Variants in GNL1 observed in about 807,000 individuals in gnomAD.
The protein encoded by GNL1 is G protein nucleolar 1.
In GNL1, 21 loss-of-function variants were observed where a neutral mutation model predicts 75.2. That is an observed-to-expected ratio of 0.28 (90% CI 0.20 to 0.40). The LOEUF is 0.40. Among genes scored for constraint, GNL1 ranks in the 10% least tolerant of loss-of-function variants. GNL1 has a pLI of 1.00. For synonymous variants in GNL1, 287 were observed against 303.4 expected (o/e 0.95, Z 0.56); for missense variants, 579 against 775.0 (o/e 0.75, Z 3.00).
At chr6:30,551,141 A>G (rs992424111) in intron 8 of GNL1, among the ~76,000 whole-genome samples, 1 of 152,162 alleles carries the variant, frequency 6.6e-6, no homozygotes, top group Admixed American at 6.6e-5. Flanking sequence ...TGAATGGGTA[A>G]ATGAATGAGA....
At position 30,547,648 on chromosome 6, in the gene GNL1, G is replaced by A; in HGVS notation, c.1100-118C>T. Reference sequence around the variant, plus strand: ...CAGAAATTAAGGAAATGGTATTGCAGAATACAAATCACGCTCTGGGCTGCC... The same window carrying A: ...CAGAAATTAAGGAAATGGTATTGCAAAATACAAATCACGCTCTGGGCTGCC... On this transcript the variant is annotated intron_variant, in intron 8 of 11. Transcript: ENST00000376621. This position sits in a 1 kb window ranked among gnomAD's most constrained non-coding sequence, Gnocchi z 5.5. The A allele has an allele frequency of 2.3e-6, 2 of 879,784 alleles. No individual in the cohort carries two copies. Among genetic ancestry groups the A allele is most frequent in the East Asian group, 5.3e-5 (2 of 37,992 alleles). 54.5% of individuals were successfully genotyped at this position (879,784 alleles called of 1,614,324 possible).
rs1216447405 is a variant in GNL1 at position 30,555,881 on chromosome 6, G to T, written c.74-161C>A. 8.3e-6 allele frequency: 7 copies of T among 844,946 alleles called. No individual in the cohort carries two copies. In the South Asian group the frequency reaches 1.0e-4, roughly 12 times the overall value. 52.3% of individuals were successfully genotyped at this position (844,946 alleles called of 1,614,324 possible). A position where few individuals can be genotyped will look rare whatever the true frequency, so the allele number is the denominator to read the frequency against. ...ACCCTCCCGGATGTGCGTGGGGGGA[G>T]TCACTCCTTCAGGGAGCAGTGGGGA... On this transcript the variant is annotated intron_variant, in intron 1 of 11. Coordinates refer to ENST00000376621, the MANE Select transcript of GNL1 (RefSeq NM_005275.5). This position sits in a 1 kb window ranked among gnomAD's most constrained non-coding sequence, Gnocchi z 4.3.
chr6:30,553,497 C>T lies in GNL1; in HGVS notation c.661G>A (p.Val221Met). Residue 221 changes from valine to methionine, a missense_variant, in exon 6 of 12, where the codon GTG (valine) becomes ATG (methionine). Val to Met is a conservative substitution (Grantham distance 21). Transcript: ENST00000376621. Reference sequence around the variant, plus strand: ...AGATCCACCTTGTTCAAAACCAGCACCAGGGCCAGTCCAAGTTCTCCAGTC... The same window carrying T: ...AGATCCACCTTGTTCAAAACCAGCATCAGGGCCAGTCCAAGTTCTCCAGTC... Reference protein sequence around the residue: ...YVTGELGLALVLVLNKVDLAP... With the variant: ...YVTGELGLALMLVLNKVDLAP... 2.5e-6 allele frequency: 4 copies of T among 1,612,962 alleles called. No individual in the cohort carries two copies. Among genetic ancestry groups the T allele is most frequent in the Non-Finnish European group, 3.4e-6 (4 of 1,179,970 alleles).
chr6:30,547,229 T>A lies in GNL1; in HGVS notation c.1324A>T (p.Thr442Ser). Residue 442 changes from threonine to serine, a missense_variant, in exon 10 of 12, where the codon ACT becomes TCT. Transcript: ENST00000376621. The surrounding 1 kb of genome is among the most constrained non-coding windows in gnomAD (Gnocchi z 5.5). ...YPIAQIQEPY[T>S]AVGYLASRIP... ...CGGGAGGCCAGGTAGCCCACAGCAG[T>A]GTAGGGCTCCTGGATCTGGGCGATA... 1 of 1,611,534 alleles carries A rather than the reference T, an allele frequency of 6.2e-7. No individual in the cohort carries two copies. The highest frequency in any genetic ancestry group is 8.5e-7 in the Non-Finnish European group (1 of 1,178,690).
At position 30,544,723 on chromosome 6, in the gene GNL1, C is replaced by T. The variant is rs927390429; in HGVS notation, c.*1349G>A. 1 of 152,182 alleles carries T rather than the reference C, an allele frequency of 6.6e-6. No homozygotes were observed. Among genetic ancestry groups the T allele is most frequent in the Non-Finnish European group, 1.5e-5 (1 of 68,044 alleles). 9.4% of individuals were successfully genotyped at this position (152,182 alleles called of 1,614,324 possible). The stretch of plus-strand genomic sequence containing the variant: ...GCAATATGTGGCCAAACACCTTAGC[C>T]TCTTTAAATATACTTTCCTTTGCTC... On this transcript the variant is annotated 3_prime_UTR_variant, in exon 12 of 12. Coordinates refer to ENST00000376621, the MANE Select transcript of GNL1 (RefSeq NM_005275.5).
chr6:30,556,483 G>A lies in GNL1; in HGVS notation c.-280C>T. ...GGCACCGAGAGGGCGCCCCGGCGGC[G>A]AGGAAGGAGGCGCGCGTGGGAGGAC... On this transcript the variant is annotated 5_prime_UTR_variant, in exon 1 of 12. Transcript: ENST00000376621. The surrounding 1 kb of genome is among the most constrained non-coding windows in gnomAD (Gnocchi z 5.7). 1.8e-6 allele frequency: 1 copy of A among 549,670 alleles called. No homozygotes were observed. The highest frequency in any genetic ancestry group is 3.3e-6 in the Non-Finnish European group (1 of 307,394). 34.0% of individuals were successfully genotyped at this position (549,670 alleles called of 1,614,324 possible).
At chr6:30,553,708 C>T (rs1394483930) in intron 5 of GNL1, 151 bp from the exon 6 acceptor site, 7 of 627,460 alleles carry the variant, frequency 1.1e-5, no homozygotes, top group Non-Finnish European at 2.0e-5. Flanking sequence ...AACTGAAAAA[C>T]AAAGACAAAA....
Position 30,548,459 on chromosome 6 carries a change from A to G in GNL1, c.1100-929T>C, listed in dbSNP as rs1056845111. 6.6e-6 allele frequency among the ~76,000 whole-genome samples: 1 copy of G among 152,148 alleles called. No individual in the cohort carries two copies. Among genetic ancestry groups the G allele is most frequent in the Non-Finnish European group, 1.5e-5 (1 of 68,020 alleles). ...CCAGCTCACTTACTCTGGTTACTCC[A>G]TGCCAGTAAGTCTTTGACCCCTGAC... On this transcript the variant is annotated intron_variant, in intron 8 of 11. Coordinates refer to ENST00000376621, the MANE Select transcript of GNL1 (RefSeq NM_005275.5). This position sits in a 1 kb window ranked among gnomAD's most constrained non-coding sequence, Gnocchi z 4.2.
chr6:30,549,403 T>G (rs1423921772), intron 8 of GNL1, among the ~76,000 whole-genome samples: 2 of 152,208 alleles, frequency 1.3e-5, no homozygotes, highest in Non-Finnish European at 2.9e-5. Context: ...GACCTGTGTA[T>G]CTCTCAACAA....
chr6:30,552,998 T>C lies in GNL1; in HGVS notation c.904+86A>G, dbSNP rs1799889621. On this transcript the variant is annotated intron_variant, in intron 7 of 11. Coordinates refer to ENST00000376621, the MANE Select transcript of GNL1 (RefSeq NM_005275.5). This position sits in a 1 kb window ranked among gnomAD's most constrained non-coding sequence, Gnocchi z 4.5. The stretch of plus-strand genomic sequence containing the variant: ...CTTGCACATATCCACCATAGAGGGG[T>C]TGGCTTCAGGAAAGGTGAGCAAAAT... 2 of 919,636 alleles carry C rather than the reference T, an allele frequency of 2.2e-6. No homozygotes were observed. Among genetic ancestry groups the C allele is most frequent in the Non-Finnish European group, 3.5e-6 (2 of 572,082 alleles). The allele number at this position is 919,636 out of a possible 1,614,324, so 57.0% of individuals were successfully genotyped here.
Position 30,554,917 on chromosome 6 carries a change from TG to T in GNL1, c.377-3del. The T allele has an allele frequency of 1.2e-6, 2 of 1,612,886 alleles. No homozygotes were observed. Among genetic ancestry groups the T allele is most frequent in the Non-Finnish European group, 1.7e-6 (2 of 1,179,884 alleles). On this transcript the variant is annotated splice_polypyrimidine_tract_variant and splice_region_variant and intron_variant, in intron 3 of 11. Transcript: ENST00000376621. ...GAGGACGTCGAGGAAAGTCCAGAAC[TG>T]GGAATTCAGGAAAAAGTCCAAGTGT...
chr6:30,542,408 C>G lies in GNL1; in HGVS notation c.*3664G>C, dbSNP rs1799219557. 1 of 152,632 alleles carries G rather than the reference C, an allele frequency of 6.6e-6. No homozygotes were observed. The highest frequency in any genetic ancestry group is 1.5e-5 in the Non-Finnish European group (1 of 68,256). The allele number at this position is 152,632 out of a possible 1,614,324, so 9.5% of individuals were successfully genotyped here. A position where few individuals can be genotyped will look rare whatever the true frequency, so the allele number is the denominator to read the frequency against. On this transcript the variant is annotated 3_prime_UTR_variant, in exon 12 of 12. Coordinates refer to ENST00000376621, the MANE Select transcript of GNL1 (RefSeq NM_005275.5). The surrounding 1 kb of genome is among the most constrained non-coding windows in gnomAD (Gnocchi z 4.5). ...GTTTCCTGCTTTCTTCCTCAGCCTT[C>G]TCTGCTCCCCACACCTATATGTTGA...
Position 30,548,405 on chromosome 6 carries a change from A to C in GNL1, c.1100-875T>G, listed in dbSNP as rs574054560. Among the ~76,000 whole-genome samples, 1 of 151,666 alleles carries C rather than the reference A, an allele frequency of 6.6e-6. No homozygotes were observed. The highest frequency in any genetic ancestry group is 2.4e-5 in the African/African-American group (1 of 41,288). On this transcript the variant is annotated intron_variant, in intron 8 of 11. Transcript: ENST00000376621. The surrounding 1 kb of genome is among the most constrained non-coding windows in gnomAD (Gnocchi z 4.2). Reference sequence around the variant, plus strand: ...CAGCTCCAAAGCCTCAATTCCAAGCACCCCTCTCTGCCCTGACAACTCATC... The same window carrying C: ...CAGCTCCAAAGCCTCAATTCCAAGCCCCCCTCTCTGCCCTGACAACTCATC...
intron 8 of GNL1, among the ~76,000 whole-genome samples, chr6:30,549,825 C>CT (rs535787672): frequency 0.088 from 11,333 of 129,382 alleles, 1,138 homozygotes; most frequent in African/African-American, 0.21. Flanking sequence ...AATTCCATGG[C>CT]TTTTTTTTTT....
Position 30,553,544 on chromosome 6 carries a change from G to A in GNL1, c.614C>T (p.Pro205Leu), listed in dbSNP as rs1363327091. Residue 205 changes from proline (P) to leucine (L), a missense_variant, in exon 6 of 12, where the codon CCG becomes CTG. By Grantham distance (98) the Pro-to-Leu change is moderately conservative. Coordinates refer to ENST00000376621, the MANE Select transcript of GNL1 (RefSeq NM_005275.5). ...AGTCACATACTCATAAAGTGCTGGC[G>A]GGAAATTCACAACCTAGGACAGAGT... ...TDIRHPVVNF[P>L]PALYEYVTGE... 3 of 1,611,786 alleles carry A rather than the reference G, an allele frequency of 1.9e-6. No individual in the cohort carries two copies. The highest frequency in any genetic ancestry group is 1.1e-5 in the South Asian group (1 of 91,056).
rs1277453818 is a variant in GNL1 at position 30,555,916 on chromosome 6, G to A, written c.74-196C>T. The A allele has an allele frequency of 2.5e-6, 2 of 790,576 alleles. No individual in the cohort carries two copies. The highest frequency in any genetic ancestry group is 2.7e-5 in the East Asian group (1 of 37,374). 49.0% of individuals were successfully genotyped at this position (790,576 alleles called of 1,614,324 possible). ...CAGGGAGCAGTGGGGACGGCGCCCC[G>A]TGCTAGCTGGAGGGATTCCCCTCCC... On this transcript the variant is annotated intron_variant, in intron 1 of 11. Coordinates refer to ENST00000376621, the MANE Select transcript of GNL1 (RefSeq NM_005275.5). The surrounding 1 kb of genome is among the most constrained non-coding windows in gnomAD (Gnocchi z 4.3).
At chr6:30,553,778 G>A (rs1281317444) in intron 5 of GNL1, among the ~76,000 whole-genome samples, 2 of 152,212 alleles carry the variant, frequency 1.3e-5, no homozygotes, top group Non-Finnish European at 2.9e-5. Context: ...ATTAGAGATG[G>A]AAATGAACCC....
intron 5 of GNL1, among the ~76,000 whole-genome samples, chr6:30,553,863 G>A (rs1466164821): frequency 6.6e-6 from 1 of 152,214 alleles, no homozygotes; most frequent in Admixed American, 6.5e-5. Context: ...ATGGGGGTTA[G>A]GGTAGAAATT....
rs140261958 is a variant in GNL1, at chr6:30,555,141, T to C, written c.290A>G (p.Lys97Arg). 3.0e-4 allele frequency: 486 copies of C among 1,613,052 alleles called. No homozygotes were observed. Among genetic ancestry groups the C allele is most frequent in the Middle Eastern group, 6.6e-4 (4 of 6,062 alleles). ...RDSREEVERR[K>R]RAAREQVLQP... ...TAGAACTTGCTCCCGGGCTGCTCTC[T>C]TTCTCCTCTCTACCTCCTCCCTGCT... The change falls in exon 3 of 12, where the codon AAG becomes AGG. Residue 97 changes from lysine (K) to arginine (R), a missense_variant. Coordinates refer to ENST00000376621, the MANE Select transcript of GNL1 (RefSeq NM_005275.5). This position sits in a 1 kb window ranked among gnomAD's most constrained non-coding sequence, Gnocchi z 4.3.
Sources: allele counts gnomAD v4.1 joint callset (sites outside exome capture counted in the v4.1 genomes callset), GRCh38; gene constraint gnomAD v4.1.1; non-coding constraint Gnocchi (gnomAD v3.1); transcripts MANE v1.5; gene names NCBI Gene and HGNC (gene_info 2026-07-23, HGNC 2026-07-21).